Variants in CCDC171 observed in about 807,000 individuals in gnomAD.
CCDC171 encodes the protein coiled-coil domain-containing protein 171.
CCDC171 carries 177 observed loss-of-function variants against 168.2 expected under a neutral mutation model. The ratio of observed to expected loss-of-function variants is 1.05; its 90% CI spans 0.93 to 1.19. The LOEUF is 1.19. CCDC171 is among the 50% of genes most tolerant of loss of function. CCDC171 has a pLI of 0.00. For missense variants in CCDC171, 1,991 were observed against 1,539.0 expected (o/e 1.29, Z -4.91); for synonymous variants, 687 against 540.8 (o/e 1.27, Z -3.75).
chr9:15,959,332 A>G (rs559044673), intron 25 of CCDC171, among the ~76,000 whole-genome samples: 2 of 152,112 alleles, frequency 1.3e-5, no homozygotes, highest in Non-Finnish European at 2.9e-5. Flanking sequence ...CTGCTTGCTA[A>G]TTCATTATCT....
chr9:15,910,957 T>C lies in CCDC171; in HGVS notation c.3601-9313T>C, dbSNP rs150273459. Among the ~76,000 whole-genome samples the C allele has an allele frequency of 2.2e-3, 329 of 152,342 alleles. 1 individual carries two copies. The highest frequency in any genetic ancestry group is 7.7e-3 in the African/African-American group (321 of 41,578). ...TATCCAGTCTTCATTGATGGACATT[T>C]GGGTTGGTTCCGAGTCTTTGCTATT... On this transcript the variant is annotated intron_variant, in intron 24 of 25. Transcript: ENST00000380701.
At chr9:16,063,661 G>A (rs984615697), downstream of CCDC171, among the ~76,000 whole-genome samples, 10 of 150,910 alleles carry the variant, frequency 6.6e-5, no homozygotes, top group Admixed American at 2.0e-4. Flanking sequence ...ATAAGAAGTG[G>A]ATCTGCATGT....
intron 7 of CCDC171, among the ~76,000 whole-genome samples, chr9:15,639,241 A>G (rs1291926189): frequency 6.6e-6 from 1 of 152,102 alleles, no homozygotes; most frequent in Non-Finnish European, 1.5e-5. Context: ...TAGATTACTA[A>G]CTATAAAATA....
chr9:15,767,310 A>G lies in CCDC171; in HGVS notation c.2672-10290A>G, dbSNP rs180683396. 9.2e-5 allele frequency among the ~76,000 whole-genome samples: 14 copies of G among 152,314 alleles called. No individual in the cohort carries two copies. The East Asian group carries it at 2.3e-3, about 25-fold the overall frequency. On this transcript the variant is annotated intron_variant, in intron 18 of 25. Coordinates refer to ENST00000380701, the MANE Select transcript of CCDC171 (RefSeq NM_173550.4). ...ATTCTTTTTGCAGCTTTTAGAAGCC[A>G]TCTGCTTTCCTTAGTTTATAGCTCT...
chr9:15,683,446 A>G (rs1017953068), intron 10 of CCDC171, among the ~76,000 whole-genome samples: 7 of 152,018 alleles, frequency 4.6e-5, no homozygotes, highest in Admixed American at 4.6e-4. Context: ...TGGGCTAATA[A>G]ATATTCTATT....
chr9:15,930,760 C>A (rs1435355855), intron 25 of CCDC171, among the ~76,000 whole-genome samples: 3 of 151,580 alleles, frequency 2.0e-5, no homozygotes, highest in Non-Finnish European at 4.4e-5. Context: ...CAGAAATTAA[C>A]TAAAAATGAA....
Position 15,744,677 on chromosome 9 carries a change from C to A in CCDC171, c.2454C>A (p.Gly818=). ...VLAANRLKIL[G]QSCASLFTWM... is the part of the protein sequence containing the mutation. ...CAGCAAACAGACTCAAGATTTTGGG[C>A]CAATCATGTGCCTCTCTTTTTACCT... Residue 818 remains glycine, a synonymous_variant, in exon 17 of 26, where the codon GGC becomes GGA. Transcript: ENST00000380701. The A allele has an allele frequency of 6.2e-7, 1 of 1,614,094 alleles. No individual in the cohort carries two copies. The highest frequency in any genetic ancestry group is 1.3e-5 in the African/African-American group (1 of 75,020).
intron 6 of CCDC171, among the ~76,000 whole-genome samples, chr9:15,613,481 T>G (rs1214535907): frequency 6.7e-6 from 1 of 148,384 alleles, no homozygotes; most frequent in Non-Finnish European, 1.5e-5. Context: ...TAAGAAAGCT[T>G]AATAAAAACA....
chr9:15,924,718 A>G (rs1198369096), intron 25 of CCDC171, among the ~76,000 whole-genome samples: 4 of 151,450 alleles, frequency 2.6e-5, no homozygotes, highest in Admixed American at 1.3e-4. Flanking sequence ...TTGCTTCTAT[A>G]TACTCACTTT....
intron 7 of CCDC171, among the ~76,000 whole-genome samples, chr9:15,648,380 G>T (rs1358113684): frequency 2.6e-5 from 4 of 152,142 alleles, no homozygotes; most frequent in African/African-American, 9.7e-5. Context: ...TCAACATAGT[G>T]TTGGAAGTTC....
chr9:16,060,051 C>T (rs1833907900), intron 1 of CCDC171, among the ~76,000 whole-genome samples: 1 of 152,196 alleles, frequency 6.6e-6, no homozygotes, highest in South Asian at 2.1e-4. Flanking sequence ...CCCAACCTCC[C>T]TTCCTTAATT....
chr9:15,676,966 G>A (rs776068142), intron 9 of CCDC171, among the ~76,000 whole-genome samples: 3 of 152,074 alleles, frequency 2.0e-5, no homozygotes, highest in Non-Finnish European at 2.9e-5. Flanking sequence ...TAATACGTGT[G>A]TTTCCATACT....
At chr9:15,902,281 T>TACACAC (rs377019076) in intron 24 of CCDC171, among the ~76,000 whole-genome samples, 2 of 145,200 alleles carry the variant, frequency 1.4e-5, no homozygotes, top group African/African-American at 5.1e-5. Context: ...TATATATATA[T>TACACAC]ACACACACAC....
intron 7 of CCDC171, among the ~76,000 whole-genome samples, chr9:15,636,299 C>G (rs2046195780): frequency 6.6e-6 from 1 of 152,020 alleles, no homozygotes; most frequent in Non-Finnish European, 1.5e-5. Flanking sequence ...TTATTTTTTA[C>G]AAGATTACAG....
chr9:16,019,525 G>A (rs1174956696), intron 3 of CCDC171, among the ~76,000 whole-genome samples: 1 of 152,196 alleles, frequency 6.6e-6, no homozygotes, highest in African/African-American at 2.4e-5. Flanking sequence ...GTTGAGCTGT[G>A]AGGGGAATCT....
chr9:15,938,961 A>T (rs1048050422), intron 25 of CCDC171, among the ~76,000 whole-genome samples: 2 of 151,766 alleles, frequency 1.3e-5, no homozygotes, highest in Non-Finnish European at 3.0e-5. Flanking sequence ...GATTGCTTTG[A>T]TATATCATTT....
chr9:15,959,486 T>C (rs1047293187), intron 25 of CCDC171, among the ~76,000 whole-genome samples: 16 of 152,206 alleles, frequency 1.1e-4, no homozygotes, highest in African/African-American at 2.9e-4. Flanking sequence ...AGATGACTTG[T>C]TTACAAAAAT....
chr9:15,724,845 G>C lies in CCDC171; in HGVS notation c.1561G>C (p.Glu521Gln). The C allele has an allele frequency of 6.2e-7, 1 of 1,613,888 alleles. No individual in the cohort carries two copies. The highest frequency in any genetic ancestry group is 8.5e-7 in the Non-Finnish European group (1 of 1,179,820). The change falls in exon 14 of 26, where the codon GAG becomes CAG. Residue 521 changes from glutamate (E) to glutamine (Q), a missense_variant. Transcript: ENST00000380701. Reference protein sequence around the residue: ...SHLHTKCADREALISTLKVEL... With the variant: ...SHLHTKCADRQALISTLKVEL... ...TTTACACACTAAATGTGCAGACCGA[G>C]AGGCTTTAATAAGCACTTTAAAAGT... is the stretch of plus-strand genomic sequence containing the variant.
chr9:15,798,204 A>G (rs924936901), intron 21 of CCDC171, among the ~76,000 whole-genome samples: 4 of 152,162 alleles, frequency 2.6e-5, no homozygotes, highest in African/African-American at 9.7e-5. Flanking sequence ...GTTTACTGAT[A>G]CAGAGAGGCT....
Sources: allele counts gnomAD v4.1 joint callset (sites outside exome capture counted in the v4.1 genomes callset), GRCh38; gene constraint gnomAD v4.1.1; transcripts MANE v1.5; gene names NCBI Gene and HGNC (gene_info 2026-07-23, HGNC 2026-07-21).